The following ABLIM2 variants were observed in gnomAD, a reference collection of about 807,000 sequenced individuals.
ABLIM2 encodes actin binding LIM protein family member 2, also known as actin-binding LIM protein 2.
ABLIM2 carries 53 observed loss-of-function variants against 97.7 expected under a neutral mutation model. That is an observed-to-expected ratio of 0.54 (90% confidence interval 0.44 to 0.68). ABLIM2 has a LOEUF of 0.68. Ranked by LOEUF, ABLIM2 falls within the 30% of genes least tolerant of loss-of-function variation. The pLI, the probability that ABLIM2 is intolerant of heterozygous loss-of-function variation, is 0.00. For missense variants in ABLIM2, 835 were observed against 867.2 expected (o/e 0.96, Z 0.47); for synonymous variants, 361 against 345.8 (o/e 1.04, Z -0.49).
At position 8,127,435 on chromosome 4, in the gene ABLIM2, A is replaced by T. The variant is rs536873318; in HGVS notation, c.11-20798T>A. The T allele has an allele frequency of 7.3e-6, 9 of 1,226,114 alleles. No individual in the cohort carries two copies. In the East Asian group the frequency reaches 4.1e-4, roughly 55 times the overall value. The allele number at this position is 1,226,114 out of a possible 1,614,324, so 76.0% of individuals were successfully genotyped here. On this transcript the variant is annotated intron_variant, in intron 1 of 20. Transcript: ENST00000447017. The surrounding 1 kb of genome is among the most constrained non-coding windows in gnomAD (Gnocchi z 7.3). ...GACTGGACCCGTCCTTTCCCACCAGACCCCTGAAGCTGATTCATGGAGCTC... is the reference window on the plus strand; with the variant it reads ...GACTGGACCCGTCCTTTCCCACCAGTCCCCTGAAGCTGATTCATGGAGCTC...
chr4:8,151,908 G>C (rs1000621460), intron 1 of ABLIM2, among the ~76,000 whole-genome samples: 10 of 152,064 alleles, frequency 6.6e-5, no homozygotes, highest in Non-Finnish European at 1.5e-4. Context: ...GGGCACATGG[G>C]CTCAATGTGG....
chr4:8,094,859 C>T (rs1411991034), intron 3 of ABLIM2, among the ~76,000 whole-genome samples: 1 of 152,094 alleles, frequency 6.6e-6, no homozygotes, highest in African/African-American at 2.4e-5. Flanking sequence ...TGACAAAACC[C>T]ACAATTACTT....
At position 8,061,189 on chromosome 4, in the gene ABLIM2, G is replaced by A. The variant is rs376328893; in HGVS notation, c.676-135C>T. The A allele has an allele frequency of 9.3e-6, 7 of 756,570 alleles. No individual in the cohort carries two copies. Among genetic ancestry groups the A allele is most frequent in the Admixed American group, 4.6e-5 (2 of 43,780 alleles). The allele number at this position is 756,570 out of a possible 1,614,324, so 46.9% of individuals were successfully genotyped here. ...ACTGGAAGGGCCAGCCCCCACCATC[G>A]GGACCCAAGACCCCTGAGCAGAGCC... is the stretch of plus-strand genomic sequence containing the variant. On this transcript the variant is annotated intron_variant, in intron 6 of 20. Coordinates refer to ENST00000447017, the MANE Select transcript of ABLIM2 (RefSeq NM_001130083.2). This position sits in a 1 kb window ranked among gnomAD's most constrained non-coding sequence, Gnocchi z 4.5.
chr4:8,054,302 G>C lies in ABLIM2; in HGVS notation c.764-56C>G, dbSNP rs1407123051. 2 of 1,587,176 alleles carry C rather than the reference G, an allele frequency of 1.3e-6. No homozygotes were observed. The highest frequency in any genetic ancestry group is 2.7e-5 in the African/African-American group (2 of 74,372). On this transcript the variant is annotated intron_variant, in intron 7 of 20. Coordinates refer to ENST00000447017, the MANE Select transcript of ABLIM2 (RefSeq NM_001130083.2). The surrounding 1 kb of genome is among the most constrained non-coding windows in gnomAD (Gnocchi z 4.9). ...TAGAGTTATTTCCCATGTTGCAGGG[G>C]CCTGTGTGGAAACGCAGAGGAGGGA...
chr4:8,071,850 T>C lies in ABLIM2; in HGVS notation c.675+5778A>G, dbSNP rs2152334573. 2 of 985,038 alleles carry C rather than the reference T, an allele frequency of 2.0e-6. No homozygotes were observed. The highest frequency in any genetic ancestry group is 4.7e-5 in the South Asian group (1 of 21,270). 61.0% of individuals were successfully genotyped at this position (985,038 alleles called of 1,614,324 possible). ...TCCCTGGAACGTGTGCCTGCGAGGGTGGACACCCTCACCTTCAGCCAACAG... is the reference window on the plus strand; with the variant it reads ...TCCCTGGAACGTGTGCCTGCGAGGGCGGACACCCTCACCTTCAGCCAACAG... On this transcript the variant is annotated intron_variant, in intron 6 of 20. Transcript: ENST00000447017. This position sits in a 1 kb window ranked among gnomAD's most constrained non-coding sequence, Gnocchi z 6.2.
At chr4:8,028,521 G>T (rs532485675) in intron 11 of ABLIM2, among the ~76,000 whole-genome samples, 5 of 149,274 alleles carry the variant, frequency 3.3e-5, no homozygotes, top group East Asian at 4.0e-4. Context: ...TCATTTACTC[G>T]CTGACTCATT....
chr4:8,054,203 A>G lies in ABLIM2; in HGVS notation c.807T>C (p.Thr269=). ...WHPACRQAAR[T]EDRNKETRTS... Reference sequence around the variant, plus strand: ...TGCCACCAACCTTGTTTCTGTCTTCAGTTCTGGCTGCTTGTCGACACGCCG... The same window carrying G: ...TGCCACCAACCTTGTTTCTGTCTTCGGTTCTGGCTGCTTGTCGACACGCCG... The change falls in exon 8 of 21, where the codon ACT becomes ACC. Residue 269 remains threonine, a synonymous_variant. Transcript: ENST00000447017. This position sits in a 1 kb window ranked among gnomAD's most constrained non-coding sequence, Gnocchi z 4.9. The G allele has an allele frequency of 6.2e-7, 1 of 1,614,068 alleles. No homozygotes were observed. Among genetic ancestry groups the G allele is most frequent in the Non-Finnish European group, 8.5e-7 (1 of 1,179,908 alleles).
At position 8,123,126 on chromosome 4, in the gene ABLIM2, C is replaced by A. The variant is rs981415340; in HGVS notation, c.11-16489G>T. On this transcript the variant is annotated intron_variant, in intron 1 of 20. Coordinates refer to ENST00000447017, the MANE Select transcript of ABLIM2 (RefSeq NM_001130083.2). The surrounding 1 kb of genome is among the most constrained non-coding windows in gnomAD (Gnocchi z 6.2). The stretch of plus-strand genomic sequence containing the variant: ...GTGTCCCAGCACTGCTGGAGGAAGA[C>A]CTCTTTGCCCGGGTCTGGACTCCTT... 3.3e-5 allele frequency among the ~76,000 whole-genome samples: 5 copies of A among 152,226 alleles called. No individual in the cohort carries two copies. Among genetic ancestry groups the A allele is most frequent in the African/African-American group, 1.2e-4 (5 of 41,454 alleles).
At chr4:8,096,865 T>C (rs375497178) in intron 3 of ABLIM2, among the ~76,000 whole-genome samples, 2 of 152,260 alleles carry the variant, frequency 1.3e-5, no homozygotes, top group East Asian at 3.9e-4. Flanking sequence ...CTCTGTGCCA[T>C]GCACCAGACC....
intron 20 of ABLIM2, among the ~76,000 whole-genome samples, chr4:7,976,760 T>C (rs566345422): frequency 4.6e-5 from 7 of 151,764 alleles, no homozygotes; most frequent in East Asian, 1.9e-4. Flanking sequence ...TGCACACACA[T>C]ATACAGACAC....
At chr4:7,985,442 CGT>C (rs1743048387) in intron 17 of ABLIM2, among the ~76,000 whole-genome samples, 1 of 152,096 alleles carries the variant, frequency 6.6e-6, no homozygotes, top group Non-Finnish European at 1.5e-5. Context: ...GACTGGCTGC[CGT>C]CTTCTGGCAC....
intron 3 of ABLIM2, among the ~76,000 whole-genome samples, chr4:8,090,149 C>A (rs759761369): frequency 6.6e-6 from 1 of 152,208 alleles, no homozygotes; most frequent in Non-Finnish European, 1.5e-5. Flanking sequence ...GGAGCCTGCA[C>A]GGCTCTCCCA....
At chr4:8,111,495 T>C (rs1443201019) in intron 1 of ABLIM2, among the ~76,000 whole-genome samples, 2 of 152,184 alleles carry the variant, frequency 1.3e-5, no homozygotes, top group Non-Finnish European at 2.9e-5. Flanking sequence ...TACATCAACG[T>C]TGGTACAGTT....
rs529148936 is a variant in ABLIM2, at chr4:8,016,106, G to A, written c.1423+3512C>T. Among the ~76,000 whole-genome samples the A allele has an allele frequency of 2.1e-5, 3 of 144,568 alleles. No individual in the cohort carries two copies. In the South Asian group the frequency reaches 6.4e-4, roughly 31 times the overall value. 94.8% of individuals were successfully genotyped at this position (144,568 alleles called of 152,430 possible). On this transcript the variant is annotated intron_variant, in intron 14 of 20. Coordinates refer to ENST00000447017, the MANE Select transcript of ABLIM2 (RefSeq NM_001130083.2). ...GTCGCCCAGGCTGGAGTGCAGTGGT[G>A]CGATCTCGGCTCACTGCAACCTCTG... is the stretch of plus-strand genomic sequence containing the variant.
At position 8,022,665 on chromosome 4, in the gene ABLIM2, G is replaced by A. The variant is rs1487853014; in HGVS notation, c.1268-2362C>T. 6.6e-6 allele frequency: 1 copy of A among 152,466 alleles called. No individual in the cohort carries two copies. The highest frequency in any genetic ancestry group is 1.5e-5 in the Non-Finnish European group (1 of 68,316). The allele number at this position is 152,466 out of a possible 1,614,324, so 9.4% of individuals were successfully genotyped here. A position where few individuals can be genotyped will look rare whatever the true frequency, so the allele number is the denominator to read the frequency against. ...CTCTGCCTCCTCTGCTCAGCCTTCTGGTAGGACTTGGTCTCTGAGGACCTC... is the reference window on the plus strand; with the variant it reads ...CTCTGCCTCCTCTGCTCAGCCTTCTAGTAGGACTTGGTCTCTGAGGACCTC... On this transcript the variant is annotated intron_variant, in intron 12 of 20. Transcript: ENST00000447017. The surrounding 1 kb of genome is among the most constrained non-coding windows in gnomAD (Gnocchi z 7.8).
intron 6 of ABLIM2, 55 bp downstream of exon 6, chr4:8,077,573 G>T: frequency 6.8e-7 from 1 of 1,475,850 alleles, no homozygotes; most frequent in Non-Finnish European, 9.3e-7. Flanking sequence ...CAACTCCCAG[G>T]GGGGCAGTTA....
Position 8,023,656 on chromosome 4 carries a change from G to C in ABLIM2, c.1268-3353C>G, listed in dbSNP as rs2151004847. Among the ~76,000 whole-genome samples the C allele has an allele frequency of 6.6e-6, 1 of 152,340 alleles. No homozygotes were observed. Among genetic ancestry groups the C allele is most frequent in the East Asian group, 1.9e-4 (1 of 5,182 alleles). The stretch of plus-strand genomic sequence containing the variant: ...GAGCCACTCTGTGTAGCCCACACTT[G>C]TCCACATGTCAGGAGTGGGAGTTAC... On this transcript the variant is annotated intron_variant, in intron 12 of 20. Coordinates refer to ENST00000447017, the MANE Select transcript of ABLIM2 (RefSeq NM_001130083.2). The surrounding 1 kb of genome is among the most constrained non-coding windows in gnomAD (Gnocchi z 5.7).
intron 8 of ABLIM2, 45 bp from the exon 9 acceptor site, chr4:8,045,286 C>G: frequency 6.5e-7 from 1 of 1,549,484 alleles, no homozygotes; most frequent in East Asian, 2.2e-5. Flanking sequence ...TACCAACATT[C>G]GGGGCCTTCA....
chr4:8,049,885 G>C (rs11947858), intron 8 of ABLIM2, among the ~76,000 whole-genome samples: 30,027 of 152,124 alleles, frequency 0.2, 3,557 homozygotes, highest in Non-Finnish European at 0.28. Context: ...GTGCCACCAT[G>C]CCTGGCTAAG....
Sources: allele counts gnomAD v4.1 joint callset (sites outside exome capture counted in the v4.1 genomes callset), GRCh38; gene constraint gnomAD v4.1.1; non-coding constraint Gnocchi (gnomAD v3.1); transcripts MANE v1.5; gene names NCBI Gene and HGNC (gene_info 2026-07-23, HGNC 2026-07-21).